RHOT1: variants seen among roughly 807,000 people sequenced by gnomAD.
RHOT1 encodes the protein mitochondrial Rho GTPase 1.
A neutral mutation model predicts 95.3 loss-of-function variants in RHOT1; 27 were observed. The ratio of observed to expected loss-of-function variants is 0.28; its 90% CI spans 0.21 to 0.39. The LOEUF (loss-of-function observed/expected upper bound fraction) is 0.39, where lower values mean the gene tolerates loss of function less well. Among genes scored for constraint, RHOT1 ranks in the 10% least tolerant of loss-of-function variants. The pLI is 1.00. For missense variants in RHOT1, 578 were observed against 786.7 expected, an observed-to-expected ratio of 0.73 and a Z score of 3.17; for synonymous variants, 227 against 263.5, an observed-to-expected ratio of 0.86 and a Z score of 1.34.
chr17:32,150,844 G>C, intron 1 of RHOT1: 1 of 1,523,826 alleles, frequency 6.6e-7, no homozygotes, highest in Non-Finnish European at 8.9e-7. Context: ...AGGTGGAAGG[G>C]AGCTGTAGAA....
intron 19 of RHOT1, among the ~76,000 whole-genome samples, chr17:32,221,370 CAAAAA>C (rs397805349): frequency 4.4e-5 from 3 of 67,994 alleles, no homozygotes; most frequent in Non-Finnish European, 3.1e-5. Context: ...TCGTCTGTCT[CAAAAA>C]AAAAAAAAAA....
chr17:32,214,185 C>G (rs753824716), intron 19 of RHOT1, among the ~76,000 whole-genome samples: 12 of 152,152 alleles, frequency 7.9e-5, no homozygotes, highest in Non-Finnish European at 1.3e-4. Flanking sequence ...GCCAAAAACT[C>G]AGTGCCCACA....
At chr17:32,170,213 G>A (rs867590393) in intron 1 of RHOT1, among the ~76,000 whole-genome samples, 1 of 152,048 alleles carries the variant, frequency 6.6e-6, no homozygotes, top group Non-Finnish European at 1.5e-5. Flanking sequence ...TCAGGGGTTC[G>A]AGACCAGCCT....
At chr17:32,144,972 G>A (rs1009694248) in intron 1 of RHOT1, among the ~76,000 whole-genome samples, 6 of 151,428 alleles carry the variant, frequency 4.0e-5, no homozygotes, top group African/African-American at 9.7e-5. Context: ...CAGCCCAGGT[G>A]ACAGAGCAAG....
intron 8 of RHOT1, among the ~76,000 whole-genome samples, chr17:32,186,173 C>T (rs2036035034): frequency 6.6e-6 from 1 of 152,184 alleles, no homozygotes; most frequent in Non-Finnish European, 1.5e-5. Flanking sequence ...TCCAGTTCCT[C>T]CACATCTTTG....
intron 16 of RHOT1, 131 bp downstream of exon 16, chr17:32,204,104 T>C (rs11657165): frequency 6.7e-5 from 44 of 657,820 alleles, no homozygotes; most frequent in African/African-American, 1.1e-4. Context: ...TTATTTAATT[T>C]TTTTTAGAGA....
chr17:32,168,465 G>A (rs2034294140), intron 1 of RHOT1, among the ~76,000 whole-genome samples: 1 of 151,740 alleles, frequency 6.6e-6, no homozygotes, highest in African/African-American at 2.4e-5. Context: ...GTAGAGACAG[G>A]GTGTCATTAT....
At chr17:32,189,534 A>G (rs2036311021) in intron 8 of RHOT1, among the ~76,000 whole-genome samples, 1 of 151,994 alleles carries the variant, frequency 6.6e-6, no homozygotes, top group Non-Finnish European at 1.5e-5. Context: ...AGTTCTGCTA[A>G]TCTGTTAATC....
intron 1 of RHOT1, 56 bp downstream of exon 1, chr17:32,142,785 C>G: frequency 7.7e-7 from 1 of 1,297,374 alleles, no homozygotes; most frequent in South Asian, 1.5e-5. Flanking sequence ...GCCCCTGCAG[C>G]CCCTGTCGCC....
At chr17:32,197,241 T>G (rs1330913205) in intron 11 of RHOT1, among the ~76,000 whole-genome samples, 2 of 152,008 alleles carry the variant, frequency 1.3e-5, no homozygotes, top group African/African-American at 2.4e-5. Context: ...CATTTGCTTT[T>G]TTTTTGAGAT....
chr17:32,177,754 CAAAA>C (rs765273097), intron 6 of RHOT1, among the ~76,000 whole-genome samples: 1 of 87,070 alleles, frequency 1.1e-5, no homozygotes, highest in African/African-American at 4.3e-5. Context: ...GACTCCGTCT[CAAAA>C]AAAAAAAAAA....
intron 16 of RHOT1, among the ~76,000 whole-genome samples, chr17:32,206,206 T>C (rs1328590093): frequency 2.9e-5 from 4 of 139,258 alleles, no homozygotes; most frequent in African/African-American, 1.1e-4. Flanking sequence ...TTTTTTTTTT[T>C]TTTTTTTTTT....
At chr17:32,176,977 T>A (rs1359071690) in intron 6 of RHOT1, among the ~76,000 whole-genome samples, 1 of 152,228 alleles carries the variant, frequency 6.6e-6, no homozygotes, top group East Asian at 1.9e-4. Flanking sequence ...TTTTGTGCCT[T>A]GAAACGCTAA....
intron 10 of RHOT1, among the ~76,000 whole-genome samples, chr17:32,193,514 A>C (rs991667782): frequency 1.3e-5 from 2 of 152,198 alleles, no homozygotes; most frequent in African/African-American, 4.8e-5. Context: ...TCTGGAACAA[A>C]AAAAAAGTAT....
In RHOT1 at chr17:32,208,089, T is replaced by G; in HGVS notation, c.1537-18T>G. 6.2e-7 allele frequency: 1 copy of G among 1,606,872 alleles called. No homozygotes were observed. The highest frequency in any genetic ancestry group is 8.5e-7 in the Non-Finnish European group (1 of 1,173,828). On this transcript the variant is annotated intron_variant, in intron 17 of 19. Coordinates refer to ENST00000545287, the MANE Select transcript of RHOT1 (RefSeq NM_001033566.3). ...TTGAACTTGTTATCAGATTTTGATT[T>G]CATTTTTTATTCCATAGCAACACTT... is the stretch of plus-strand genomic sequence containing the variant.
chr17:32,142,824 C>T, intron 1 of RHOT1, 95 bp downstream of exon 1: 3 of 1,087,838 alleles, frequency 2.8e-6, no homozygotes, highest in Non-Finnish European at 4.0e-6. Context: ...CCAACCTTTG[C>T]AGCCCCGGCC....
At chr17:32,182,432 G>A (rs1204702850) in intron 6 of RHOT1, among the ~76,000 whole-genome samples, 1 of 152,170 alleles carries the variant, frequency 6.6e-6, no homozygotes. Flanking sequence ...GTTGCAGTGA[G>A]CTGTGATCCT....
Position 32,182,457 on chromosome 17 carries a change from G to C in RHOT1, c.330-300G>C, listed in dbSNP as rs886108718. Among the ~76,000 whole-genome samples, 333 of 152,274 alleles carry C rather than the reference G, an allele frequency of 2.2e-3. 1 individual carries two copies. The highest frequency in any genetic ancestry group is 7.5e-3 in the African/African-American group (311 of 41,554). ...GCTGTGATCCTGCCACTGCACTCCAGCCTGGACAACAGAGCTAGACCCTGT... is the reference window on the plus strand; with the variant it reads ...GCTGTGATCCTGCCACTGCACTCCACCCTGGACAACAGAGCTAGACCCTGT... On this transcript the variant is annotated intron_variant, in intron 6 of 19. Transcript: ENST00000545287.
chr17:32,154,547 A>G (rs956187420), intron 1 of RHOT1, among the ~76,000 whole-genome samples: 40 of 146,752 alleles, frequency 2.7e-4, no homozygotes, highest in Non-Finnish European at 4.5e-5. Context: ...AGACGGCGCC[A>G]CTGCACTCCA....
Sources: allele counts gnomAD v4.1 joint callset (sites outside exome capture counted in the v4.1 genomes callset), GRCh38; gene constraint gnomAD v4.1.1; transcripts MANE v1.5; gene names NCBI Gene and HGNC (gene_info 2026-07-23, HGNC 2026-07-21).